SEPTIN9: variants seen among roughly 807,000 people sequenced by gnomAD.
SEPTIN9 encodes septin 9.
A neutral mutation model predicts 56.6 loss-of-function variants in SEPTIN9; 13 were observed. That is an observed-to-expected ratio of 0.23 (90% confidence interval 0.15 to 0.37). The LOEUF (loss-of-function observed/expected upper bound fraction) is 0.37, where lower values mean the gene tolerates loss of function less well. Ranked by LOEUF, SEPTIN9 falls within the 10% of genes least tolerant of loss-of-function variation. The pLI, the probability that SEPTIN9 is intolerant of heterozygous loss-of-function variation, is 1.00. For synonymous variants in SEPTIN9, 332 were observed against 334.1 expected (o/e 0.99, Z 0.07); for missense variants, 650 against 823.1 (o/e 0.79, Z 2.57).
intron 3 of SEPTIN9, among the ~76,000 whole-genome samples, chr17:77,473,386 T>A (rs976122145): frequency 1.3e-5 from 2 of 152,218 alleles, no homozygotes; most frequent in East Asian, 1.9e-4. Context: ...TTGTTTTTTT[T>A]AATTCTCATT....
intron 2 of SEPTIN9, among the ~76,000 whole-genome samples, chr17:77,350,776 T>A (rs545785659): frequency 6.6e-6 from 1 of 151,764 alleles, no homozygotes; most frequent in East Asian, 1.9e-4. Flanking sequence ...GAACAGGAGG[T>A]GGGTAGATGC....
intron 1 of SEPTIN9, among the ~76,000 whole-genome samples, chr17:77,297,637 T>C (rs1448344268): frequency 6.6e-6 from 1 of 152,166 alleles, no homozygotes; most frequent in Non-Finnish European, 1.5e-5. Flanking sequence ...CTCCTTCCAG[T>C]CGTTCATTCT....
chr17:77,443,423 TAA>T (rs1284542635), intron 3 of SEPTIN9, among the ~76,000 whole-genome samples: 1 of 152,184 alleles, frequency 6.6e-6, no homozygotes, highest in Non-Finnish European at 1.5e-5. Context: ...CTTTTAATAA[TAA>T]GTCACATTTT....
intron 3 of SEPTIN9, chr17:77,454,264 A>G: frequency 1.0e-6 from 1 of 985,486 alleles, no homozygotes; most frequent in Non-Finnish European, 1.2e-6. Context: ...AGGCTTCCTG[A>G]GGGACTTGTG....
chr17:77,382,882 C>T (rs984941847), intron 2 of SEPTIN9, among the ~76,000 whole-genome samples: 2 of 151,950 alleles, frequency 1.3e-5, no homozygotes, highest in African/African-American at 4.8e-5. Context: ...GCCCCGCTGC[C>T]CTGCCTGGTT....
chr17:77,378,559 T>G (rs2035018493), intron 2 of SEPTIN9, among the ~76,000 whole-genome samples: 1 of 152,140 alleles, frequency 6.6e-6, no homozygotes, highest in Non-Finnish European at 1.5e-5. Context: ...TGCTTAAATA[T>G]GCAGATCTGG....
chr17:77,480,265 C>G (rs886411441), intron 3 of SEPTIN9, among the ~76,000 whole-genome samples: 5 of 152,220 alleles, frequency 3.3e-5, no homozygotes, highest in African/African-American at 1.2e-4. Flanking sequence ...CGGGGAGGTG[C>G]CTGTGAGGAT....
At chr17:77,354,228 T>C (rs2034151298) in intron 2 of SEPTIN9, among the ~76,000 whole-genome samples, 1 of 152,176 alleles carries the variant, frequency 6.6e-6, no homozygotes, top group Non-Finnish European at 1.5e-5. Context: ...GACAACCCTG[T>C]GAAGTAGGTA....
rs1400825877 is a variant in SEPTIN9 at position 77,327,851 on chromosome 17, C to T, written c.76+20654C>T. On this transcript the variant is annotated intron_variant, in intron 2 of 11. Coordinates refer to ENST00000427177, the MANE Select transcript of SEPTIN9 (RefSeq NM_001113491.2). This position sits in a 1 kb window ranked among gnomAD's most constrained non-coding sequence, Gnocchi z 5.0. Reference sequence around the variant, plus strand: ...TTTGCCATGAAAGCTTGAAAATGCTCTTTGGACCGATTTGCTGGAACAGAC... The same window carrying T: ...TTTGCCATGAAAGCTTGAAAATGCTTTTTGGACCGATTTGCTGGAACAGAC... Among the ~76,000 whole-genome samples the T allele has an allele frequency of 6.6e-6, 1 of 152,218 alleles. No homozygotes were observed. Among genetic ancestry groups the T allele is most frequent in the African/African-American group, 2.4e-5 (1 of 41,436 alleles).
intron 2 of SEPTIN9, among the ~76,000 whole-genome samples, chr17:77,314,637 A>G (rs550136117): frequency 6.6e-6 from 1 of 152,244 alleles, no homozygotes; most frequent in South Asian, 2.1e-4. Context: ...CTTTCAGCCA[A>G]AGATGCGTTC....
chr17:77,494,554 C>T (rs1388449956), intron 10 of SEPTIN9, among the ~76,000 whole-genome samples: 2 of 152,188 alleles, frequency 1.3e-5, no homozygotes, highest in Non-Finnish European at 2.9e-5. Context: ...CCAAAGACCA[C>T]AGAGCTTTTT....
chr17:77,281,797 G>A (rs904938299), intron 1 of SEPTIN9: 3 of 499,078 alleles, frequency 6.0e-6, no homozygotes, highest in East Asian at 7.2e-5. Context: ...CCTGGGGGAC[G>A]CTCCCTCTTC....
At chr17:77,455,199 T>A (rs2038144935) in intron 3 of SEPTIN9, among the ~76,000 whole-genome samples, 1 of 152,128 alleles carries the variant, frequency 6.6e-6, no homozygotes, top group Non-Finnish European at 1.5e-5. Flanking sequence ...CTCTGTGAGA[T>A]CTTGGCTCCT....
At chr17:77,426,296 T>C (rs1438922865) in intron 3 of SEPTIN9, among the ~76,000 whole-genome samples, 1 of 151,720 alleles carries the variant, frequency 6.6e-6, no homozygotes, top group Non-Finnish European at 1.5e-5. Context: ...ACAGCACACC[T>C]CCCCCAGGAG....
At chr17:77,462,987 C>T (rs1466151085) in intron 3 of SEPTIN9, among the ~76,000 whole-genome samples, 9 of 152,218 alleles carry the variant, frequency 5.9e-5, no homozygotes, top group Middle Eastern at 3.4e-3. Context: ...AGTGGAAAGT[C>T]GTGGGAAACT....
chr17:77,424,192 C>T (rs1489326787), intron 3 of SEPTIN9, among the ~76,000 whole-genome samples: 1 of 102,622 alleles, frequency 9.7e-6, no homozygotes, highest in African/African-American at 4.0e-5. Flanking sequence ...CCGTAGAAAA[C>T]GGTTCCTGTT....
rs929712094 is a variant in SEPTIN9 at position 77,313,616 on chromosome 17, G to C, written c.76+6419G>C. Among the ~76,000 whole-genome samples, 1 of 152,186 alleles carries C rather than the reference G, an allele frequency of 6.6e-6. No homozygotes were observed. The highest frequency in any genetic ancestry group is 1.5e-5 in the Non-Finnish European group (1 of 68,024). ...TTGGCTGGCTCTGCTGGCAGGTACA[G>C]TAGCAGGGTCAGCAGGAGGGAGTCC... is the stretch of plus-strand genomic sequence containing the variant. On this transcript the variant is annotated intron_variant, in intron 2 of 11. Coordinates refer to ENST00000427177, the MANE Select transcript of SEPTIN9 (RefSeq NM_001113491.2). The surrounding 1 kb of genome is among the most constrained non-coding windows in gnomAD (Gnocchi z 4.5).
chr17:77,450,411 C>A lies in SEPTIN9; in HGVS notation c.722-31733C>A. Reference sequence around the variant, plus strand: ...GCCCCTGGCCCTCAGAAGGTGTCACCAAAGGCTTCTTTCCATTTGAGTGAA... The same window carrying A: ...GCCCCTGGCCCTCAGAAGGTGTCACAAAAGGCTTCTTTCCATTTGAGTGAA... On this transcript the variant is annotated intron_variant, in intron 3 of 11. Transcript: ENST00000427177. This position sits in a 1 kb window ranked among gnomAD's most constrained non-coding sequence, Gnocchi z 6.0. The A allele has an allele frequency of 1.1e-6, 1 of 925,398 alleles. No individual in the cohort carries two copies. The highest frequency in any genetic ancestry group is 1.3e-6 in the Non-Finnish European group (1 of 775,074). The allele number at this position is 925,398 out of a possible 1,614,324, so 57.3% of individuals were successfully genotyped here. A position where few individuals can be genotyped will look rare whatever the true frequency, so the allele number is the denominator to read the frequency against.
intron 3 of SEPTIN9, among the ~76,000 whole-genome samples, chr17:77,460,721 G>A (rs2038433086): frequency 6.6e-6 from 1 of 152,188 alleles, no homozygotes; most frequent in African/African-American, 2.4e-5. Context: ...CAAGGGATGT[G>A]GGGGCCTGCC....
Sources: allele counts gnomAD v4.1 joint callset (sites outside exome capture counted in the v4.1 genomes callset), GRCh38; gene constraint gnomAD v4.1.1; non-coding constraint Gnocchi (gnomAD v3.1); transcripts MANE v1.5; gene names NCBI Gene and HGNC (gene_info 2026-07-23, HGNC 2026-07-21).